HSD17B12: variants seen among roughly 807,000 people sequenced by gnomAD.
HSD17B12 encodes the protein hydroxysteroid 17-beta dehydrogenase 12.
HSD17B12 carries 32 observed loss-of-function variants against 39.3 expected under a neutral mutation model. The observed-to-expected ratio is 0.81, with a 90% CI of 0.61 to 1.09. The LOEUF is 1.09. HSD17B12 is among the 50% of genes least tolerant of loss of function. The probability of loss-of-function intolerance (pLI) is 0.00; values close to 1 mark genes in which losing one functional copy is unlikely to be tolerated. For synonymous variants in HSD17B12, 150 were observed against 146.7 expected (o/e 1.02, Z -0.16); for missense variants, 342 against 382.9 (o/e 0.89, Z 0.89).
chr11:43,614,709 T>A, the HSD17B12 span, among the ~76,000 whole-genome samples: 17 of 152,278 alleles, frequency 1.1e-4, no homozygotes, highest in South Asian at 1.7e-3. Context: ...GTGCTTTATT[T>A]TCTTTGGTCT....
In HSD17B12 at chr11:43,815,501, T is replaced by G; in HGVS notation, c.456T>G (p.Asn152Lys). The change falls in exon 5 of 11, where the codon AAT becomes AAG. Residue 152 changes from asparagine (N) to lysine (K), a missense_variant and splice_region_variant. Asn to Lys is a moderately conservative substitution (Grantham distance 94). Transcript: ENST00000278353. ...EYFLDVPDLD[N>K]VIKKMININI... ...TTTTGGATGTTCCTGACTTGGACAA[T>G]GTAAGTCTTTCTTTGTGTATTATGG... The G allele has an allele frequency of 6.5e-7, 1 of 1,549,418 alleles. No individual in the cohort carries two copies. Among genetic ancestry groups the G allele is most frequent in the Non-Finnish European group, 8.8e-7 (1 of 1,131,956 alleles).
At chr11:43,822,298 T>C (rs1266679861) in intron 6 of HSD17B12, among the ~76,000 whole-genome samples, 1 of 152,196 alleles carries the variant, frequency 6.6e-6, no homozygotes, top group African/African-American at 2.4e-5. Context: ...GGTTATATAG[T>C]AATTTCTTTT....
the HSD17B12 span, among the ~76,000 whole-genome samples, chr11:43,575,145 C>T: frequency 1.3e-5 from 2 of 152,198 alleles, no homozygotes; most frequent in Non-Finnish European, 2.9e-5. This position sits in a 1 kb window ranked among gnomAD's most constrained non-coding sequence, Gnocchi z 4.1. Flanking sequence ...TATTTAATTG[C>T]AGGCTTATTT....
chr11:43,733,803 C>G, intron 1 of HSD17B12: 1 of 715,532 alleles, frequency 1.4e-6, no homozygotes, highest in Non-Finnish European at 2.5e-6. Flanking sequence ...TTGGCCTGGT[C>G]TTAGCCGTTG....
At chr11:43,610,875 G>C in the HSD17B12 span, among the ~76,000 whole-genome samples, 1 of 152,104 alleles carries the variant, frequency 6.6e-6, no homozygotes, top group Non-Finnish European at 1.5e-5. Flanking sequence ...AATACCCAGG[G>C]AATATATCAG....
intron 4 of HSD17B12, among the ~76,000 whole-genome samples, chr11:43,800,281 G>A (rs1400054727): frequency 2.3e-4 from 35 of 152,340 alleles, no homozygotes; most frequent in Non-Finnish European, 2.9e-5. Context: ...GGCTGGAAGG[G>A]AGATTGAGAA....
intron 3 of HSD17B12, among the ~76,000 whole-genome samples, chr11:43,760,046 GC>G (rs1950542832): frequency 6.6e-6 from 1 of 152,002 alleles, no homozygotes; most frequent in African/African-American, 2.4e-5. Context: ...AGAGGCACGT[GC>G]CACCATGCCT....
In HSD17B12 at chr11:43,836,545, ATCTACC is replaced by A. The variant is rs1951372456; in HGVS notation, c.537-1771_537-1766del. Among the ~76,000 whole-genome samples, 4 of 152,168 alleles carry A rather than the reference ATCTACC, an allele frequency of 2.6e-5. No individual in the cohort carries two copies. The South Asian group carries it at 8.3e-4, about 32-fold the overall frequency. On this transcript the variant is annotated intron_variant, in intron 7 of 10. Transcript: ENST00000278353. ...TGAGATAAATTTCACATACTGAACA[ATCTACC>A]CATTAAAGTATACACTTTAATGGTT...
chr11:43,688,818 A>G (rs1314219047), intron 1 of HSD17B12, among the ~76,000 whole-genome samples: 2 of 152,148 alleles, frequency 1.3e-5, no homozygotes, highest in African/African-American at 4.8e-5. Flanking sequence ...AACTTCTTTC[A>G]TTTTTTAGGG....
chr11:43,564,518 T>G, the HSD17B12 span, among the ~76,000 whole-genome samples: 1 of 152,244 alleles, frequency 6.6e-6, no homozygotes, highest in East Asian at 1.9e-4. Flanking sequence ...CTCAGATTTT[T>G]TAAAGCTTAA....
rs763368162 is a variant in HSD17B12, at chr11:43,680,778, AT to A, written c.-48del. The A allele has an allele frequency of 6.5e-7, 1 of 1,537,884 alleles. No homozygotes were observed. Among genetic ancestry groups the A allele is most frequent in the Non-Finnish European group, 9.0e-7 (1 of 1,111,194 alleles). The stretch of plus-strand genomic sequence containing the variant: ...ACGGCCGGCGCCTCCTCCTGGATTC[AT>A]TCACTCGCTCTTTTCATTCACGAAG... On this transcript the variant is annotated 5_prime_UTR_variant, in exon 1 of 11. Transcript: ENST00000278353.
At chr11:43,798,273 T>A (rs1950932268) in intron 3 of HSD17B12, 47 bp from the exon 4 acceptor site, 1 of 1,071,654 alleles carries the variant, frequency 9.3e-7, no homozygotes, top group South Asian at 1.3e-5. Context: ...CACTGCCATG[T>A]ACTAATTTTC....
In HSD17B12 at chr11:43,731,060, G is replaced by A. The variant is rs574349742; in HGVS notation, c.161-19851G>A. On this transcript the variant is annotated intron_variant, in intron 1 of 10. Coordinates refer to ENST00000278353, the MANE Select transcript of HSD17B12 (RefSeq NM_016142.3). Reference sequence around the variant, plus strand: ...CACCCAGGCTGGAGTACAGTGGCACGATCTTGGTTCACTGCAACCTCTGCC... The same window carrying A: ...CACCCAGGCTGGAGTACAGTGGCACAATCTTGGTTCACTGCAACCTCTGCC... Among the ~76,000 whole-genome samples, 26 of 151,938 alleles carry A rather than the reference G, an allele frequency of 1.7e-4. 1 individual carries two copies. In the South Asian group the frequency reaches 5.0e-3, roughly 29 times the overall value.
chr11:43,618,265 T>C, the HSD17B12 span, among the ~76,000 whole-genome samples: 1 of 152,216 alleles, frequency 6.6e-6, no homozygotes, highest in African/African-American at 2.4e-5. Flanking sequence ...TTATATTCAT[T>C]ATGTTTTACT....
chr11:43,570,802 C>A, the HSD17B12 span, among the ~76,000 whole-genome samples: 1 of 152,160 alleles, frequency 6.6e-6, no homozygotes, highest in Non-Finnish European at 1.5e-5. Context: ...AGTGTATTTT[C>A]TCCCCTCCCC....
intron 1 of HSD17B12, chr11:43,734,230 CT>C: frequency 6.7e-7 from 1 of 1,492,068 alleles, no homozygotes. Flanking sequence ...GAGCAGCCAC[CT>C]TTGGGTTCAT....
At chr11:43,658,713 G>A in the HSD17B12 span, among the ~76,000 whole-genome samples, 5 of 152,172 alleles carry the variant, frequency 3.3e-5, no homozygotes, top group African/African-American at 9.6e-5. Context: ...CAGCGGATAT[G>A]GGTGAACCAC....
chr11:43,695,461 C>T (rs1375770878), intron 1 of HSD17B12, among the ~76,000 whole-genome samples: 2 of 152,078 alleles, frequency 1.3e-5, no homozygotes, highest in African/African-American at 4.8e-5. Flanking sequence ...GCCTGTAATC[C>T]CAGCTACTTG....
intron 4 of HSD17B12, among the ~76,000 whole-genome samples, chr11:43,807,412 T>G (rs1951029840): frequency 6.6e-6 from 1 of 152,132 alleles, no homozygotes; most frequent in Non-Finnish European, 1.5e-5. Context: ...GTGAATATTC[T>G]TAGTGTGTCA....
Sources: allele counts gnomAD v4.1 joint callset (sites outside exome capture counted in the v4.1 genomes callset), GRCh38; gene constraint gnomAD v4.1.1; non-coding constraint Gnocchi (gnomAD v3.1); transcripts MANE v1.5; gene names NCBI Gene and HGNC (gene_info 2026-07-23, HGNC 2026-07-21).